Variants in ATG10 observed in about 807,000 individuals in gnomAD.
ATG10 encodes the protein ubiquitin-like-conjugating enzyme ATG10.
ATG10 carries 30 observed loss-of-function variants against 32.1 expected under a neutral mutation model. The observed-to-expected ratio is 0.94, with a 90% CI of 0.70 to 1.27. ATG10 has a LOEUF of 1.27. Ranked by LOEUF, ATG10 falls within the 50% of genes most tolerant of loss-of-function variation. ATG10 has a pLI of 0.00. For synonymous variants in ATG10, 87 were observed against 91.5 expected (o/e 0.95, Z 0.28); for missense variants, 233 against 262.3 (o/e 0.89, Z 0.77).
chr5:82,067,776 A>G (rs1763985831), intron 3 of ATG10, among the ~76,000 whole-genome samples: 1 of 152,212 alleles, frequency 6.6e-6, no homozygotes, highest in Non-Finnish European at 1.5e-5. Context: ...CTTTTTATGT[A>G]TTAAGCTAGT....
intron 3 of ATG10, among the ~76,000 whole-genome samples, chr5:82,072,316 G>A (rs1400924152): frequency 6.6e-6 from 1 of 152,162 alleles, no homozygotes; most frequent in African/African-American, 2.4e-5. Flanking sequence ...AGCTGTTGCA[G>A]GGATTGTTTG....
intron 1 of ATG10, among the ~76,000 whole-genome samples, chr5:81,982,545 T>G (rs759945925): frequency 7.6e-5 from 10 of 131,244 alleles, no homozygotes; most frequent in South Asian, 4.7e-4. Context: ...AGATTCATTG[T>G]TTTTTTTTTT....
chr5:82,223,360 C>A (rs925742548), intron 5 of ATG10, among the ~76,000 whole-genome samples: 3 of 152,196 alleles, frequency 2.0e-5, no homozygotes, highest in Non-Finnish European at 4.4e-5. Flanking sequence ...ACTTGTGGCT[C>A]ATAGTCACAA....
At chr5:82,222,834 T>A (rs939581362) in intron 5 of ATG10, among the ~76,000 whole-genome samples, 1 of 152,210 alleles carries the variant, frequency 6.6e-6, no homozygotes, top group South Asian at 2.1e-4. Flanking sequence ...AGGATAACAA[T>A]CAGGGCATAT....
At chr5:81,984,984 A>G (rs571615281) in intron 1 of ATG10, among the ~76,000 whole-genome samples, 1 of 152,370 alleles carries the variant, frequency 6.6e-6, no homozygotes, top group East Asian at 1.9e-4. Flanking sequence ...AGCAAAGCCT[A>G]GTCCTTAGAT....
chr5:81,977,796 G>A (rs1249264436), intron 1 of ATG10, among the ~76,000 whole-genome samples: 1 of 151,766 alleles, frequency 6.6e-6, no homozygotes, highest in Non-Finnish European at 1.5e-5. Context: ...TTCTTTTCTA[G>A]GAGGACACTC....
chr5:82,066,092 CAGAA>C (rs1763935314), intron 3 of ATG10, among the ~76,000 whole-genome samples: 1 of 151,972 alleles, frequency 6.6e-6, no homozygotes. Flanking sequence ...AATGAATGCT[CAGAA>C]AGGGGAAATA....
chr5:82,147,438 G>C (rs988693174), intron 3 of ATG10: 1 of 152,284 alleles, frequency 6.6e-6, no homozygotes, highest in African/African-American at 2.4e-5. Flanking sequence ...CCAAAGTGCT[G>C]AGATTACAGG....
At chr5:81,993,673 G>A (rs182420273) in intron 2 of ATG10, among the ~76,000 whole-genome samples, 68 of 151,956 alleles carry the variant, frequency 4.5e-4, no homozygotes, top group African/African-American at 1.6e-3. Context: ...TGATCCGCCT[G>A]CCTTGGCTTC....
chr5:82,181,757 T>C (rs1004802186), intron 5 of ATG10, among the ~76,000 whole-genome samples: 2 of 152,154 alleles, frequency 1.3e-5, no homozygotes, highest in African/African-American at 4.8e-5. Flanking sequence ...TCAGGCCTGA[T>C]TGTGCTCATA....
chr5:82,087,239 GGCTTTGTAATAGAATTGAA>G (rs1243101138), intron 3 of ATG10, among the ~76,000 whole-genome samples: 9 of 152,236 alleles, frequency 5.9e-5, no homozygotes, highest in African/African-American at 2.2e-4. Flanking sequence ...AATTTAGGAA[GGCTTTGTAATAGAATTGAA>G]ACTAAGCTAA....
At chr5:81,974,922 C>T (rs928437697) in intron 1 of ATG10, among the ~76,000 whole-genome samples, 4 of 152,158 alleles carry the variant, frequency 2.6e-5, no homozygotes, top group African/African-American at 9.7e-5. Flanking sequence ...TGCCCCATCC[C>T]TTCTATTTCT....
intron 5 of ATG10, among the ~76,000 whole-genome samples, chr5:82,231,428 ACCTT>A (rs1196587452): frequency 6.6e-6 from 1 of 152,208 alleles, no homozygotes; most frequent in East Asian, 1.9e-4. Flanking sequence ...CTCCCCTAAT[ACCTT>A]ACTTGCAAAA....
intron 5 of ATG10, among the ~76,000 whole-genome samples, chr5:82,238,390 T>G (rs745886261): frequency 7.2e-6 from 1 of 139,412 alleles, no homozygotes; most frequent in African/African-American, 2.6e-5. Context: ...ATCTCTGCTA[T>G]TCTCACTAGG....
intron 5 of ATG10, among the ~76,000 whole-genome samples, chr5:82,217,594 C>G (rs1417590070): frequency 6.6e-6 from 1 of 151,928 alleles, no homozygotes; most frequent in Non-Finnish European, 1.5e-5. Flanking sequence ...CACACACACA[C>G]CCATATACAT....
chr5:82,029,079 A>G (rs959848440), intron 2 of ATG10, among the ~76,000 whole-genome samples: 4 of 152,218 alleles, frequency 2.6e-5, no homozygotes, highest in Admixed American at 6.5e-5. Context: ...TCATATTGTC[A>G]TAAGAAATTT....
intron 5 of ATG10, among the ~76,000 whole-genome samples, chr5:82,228,390 A>G (rs1156702258): frequency 6.6e-6 from 1 of 152,204 alleles, no homozygotes; most frequent in East Asian, 1.9e-4. Flanking sequence ...TCAGACATCT[A>G]AGTTAACATA....
At position 82,246,940 on chromosome 5, in the gene ATG10, G is replaced by A. The variant is rs568639168; in HGVS notation, c.454-5622G>A. ...TAGTAATTCTTGGTTGACAGTTAAGGTTTTTTCCCTCATTACTCTGAATAT... is the reference window on the plus strand; with the variant it reads ...TAGTAATTCTTGGTTGACAGTTAAGATTTTTTCCCTCATTACTCTGAATAT... On this transcript the variant is annotated intron_variant, in intron 5 of 7. Coordinates refer to ENST00000282185, the MANE Select transcript of ATG10 (RefSeq NM_031482.5). 1.1e-4 allele frequency among the ~76,000 whole-genome samples: 16 copies of A among 152,168 alleles called. No individual in the cohort carries two copies. In the South Asian group the frequency reaches 3.3e-3, roughly 32 times the overall value.
chr5:82,251,882 A>G (rs1288910269), intron 5 of ATG10, among the ~76,000 whole-genome samples: 1 of 152,170 alleles, frequency 6.6e-6, no homozygotes, highest in Non-Finnish European at 1.5e-5. Context: ...AAAGAAACAG[A>G]GTTACATTTC....
Sources: allele counts gnomAD v4.1 joint callset (sites outside exome capture counted in the v4.1 genomes callset), GRCh38; gene constraint gnomAD v4.1.1; transcripts MANE v1.5; gene names NCBI Gene and HGNC (gene_info 2026-07-23, HGNC 2026-07-21).